The following RGN variants were observed in gnomAD, a reference collection of about 807,000 sequenced individuals.
The protein encoded by RGN is epididymis secretory protein Li 41.
In RGN, 19 loss-of-function variants were observed where a neutral mutation model predicts 20.6. The ratio of observed to expected loss-of-function variants is 0.92; its 90% confidence interval spans 0.64 to 1.35. RGN has a LOEUF of 1.35. Ranked by LOEUF, RGN falls within the 40% of genes most tolerant of loss-of-function variation. The pLI is 0.00. For synonymous variants in RGN, 85 were observed against 87.2 expected (o/e 0.97, Z 0.14); for missense variants, 302 against 232.7 (o/e 1.30, Z -1.94).
intron 4 of RGN, 142 bp from the exon 5 acceptor site, chrX:47,089,634 T>C (rs868929658): frequency 9.1e-4 from 209 of 230,151 alleles, no homozygotes; most frequent in African/African-American, 3.8e-3. Flanking sequence ...CACACACACA[T>C]ATATATATAT....
intron 4 of RGN, among the ~76,000 whole-genome samples, chrX:47,088,859 G>A (rs782389332): frequency 3.2e-4 from 33 of 104,155 alleles, no homozygotes; most frequent in Middle Eastern, 4.8e-3. Context: ...GCTTCAGTCC[G>A]GGAGGTTGAG....
At chrX:47,089,621 A>G in intron 4 of RGN, among the ~76,000 whole-genome samples, 155 bp from the exon 5 acceptor site, 1 of 86,519 alleles carries the variant, frequency 1.2e-5, no homozygotes, top group South Asian at 5.6e-4. Flanking sequence ...ACACACACAC[A>G]CACACACACA....
intron 3 of RGN, 151 bp from the exon 4 acceptor site, chrX:47,084,267 A>G (rs1930481284): frequency 2.4e-6 from 1 of 423,013 alleles, no homozygotes; most frequent in East Asian, 4.0e-5. Flanking sequence ...ACTAGGTTAC[A>G]TAGCCTTCCC....
chrX:47,082,362 G>A (rs1312564739), intron 3 of RGN, among the ~76,000 whole-genome samples: 8 of 100,270 alleles, frequency 8.0e-5, no homozygotes, highest in Non-Finnish European at 1.6e-4. Context: ...CCAGGCTGGA[G>A]TGCAATAATG....
chrX:47,086,172 T>C (rs782679748), intron 4 of RGN, among the ~76,000 whole-genome samples: 2 of 111,451 alleles, frequency 1.8e-5, no homozygotes, highest in Non-Finnish European at 3.8e-5. Context: ...CCTTTTTTAA[T>C]AGGGCATTCC....
At chrX:47,079,070 C>T (rs980738131) in intron 1 of RGN, among the ~76,000 whole-genome samples, 4 of 107,522 alleles carry the variant, frequency 3.7e-5, no homozygotes, top group African/African-American at 1.4e-4. Context: ...AGCGATTCTC[C>T]GGCCTCAGCC....
At chrX:47,082,857 A>G (rs1233580775) in intron 3 of RGN, among the ~76,000 whole-genome samples, 1 of 105,393 alleles carries the variant, frequency 9.5e-6, no homozygotes, top group Non-Finnish European at 1.9e-5. Context: ...CTACCAAGAG[A>G]AGTCTCAGGC....
intron 5 of RGN, among the ~76,000 whole-genome samples, chrX:47,090,334 C>T (rs782802055): frequency 2.7e-5 from 3 of 111,304 alleles, no homozygotes; most frequent in African/African-American, 9.8e-5. Flanking sequence ...CCTATTCTAC[C>T]AGGAGGTGCC....
chrX:47,082,661 C>T (rs531686236), intron 3 of RGN, among the ~76,000 whole-genome samples: 162 of 110,937 alleles, frequency 1.5e-3, no homozygotes, highest in South Asian at 2.7e-3. Flanking sequence ...TTAATTCACC[C>T]AGAAGTATGA....
chrX:47,079,746 A>G (rs2147004919), intron 1 of RGN, among the ~76,000 whole-genome samples: 1 of 111,007 alleles, frequency 9.0e-6, no homozygotes, highest in Admixed American at 9.6e-5. Flanking sequence ...TTCTTTTTTA[A>G]AATGTAGTTT....
rs373172217 is a variant in RGN, at chrX:47,084,435, G to A, written c.181G>A (p.Val61Met). The A allele has an allele frequency of 1.7e-5, 21 of 1,201,331 alleles. No homozygotes were observed. Among genetic ancestry groups the A allele is most frequent in the Middle Eastern group, 2.3e-4 (1 of 4,347 alleles). ...CTCTACAGATGCCCCAGTCAGCTCCGTGGCTCTTCGCCAGTCGGGAGGCTA... is the reference window on the plus strand; with the variant it reads ...CTCTACAGATGCCCCAGTCAGCTCCATGGCTCTTCGCCAGTCGGGAGGCTA... The part of the protein sequence containing the change: ...RVTMDAPVSS[V>M]ALRQSGGYVA... Residue 61 changes from valine to methionine, a missense_variant, in exon 4 of 8, where the codon GTG (valine) becomes ATG (methionine). Val to Met is a conservative substitution (Grantham distance 21). Transcript: ENST00000397180.
rs200690259 is a variant in RGN, at chrX:47,083,924, AC to A, written c.164-493del. ...CAAAACTCTGTCTCAAACAAAACAA[AC>A]AAAAAAAAAAATGCAAATCCTGGAT... On this transcript the variant is annotated intron_variant, in intron 3 of 7. Coordinates refer to ENST00000397180, the MANE Select transcript of RGN (RefSeq NM_152869.4). 5.3e-3 allele frequency among the ~76,000 whole-genome samples: 502 copies of A among 94,213 alleles called. 7 individuals carry two copies. Among genetic ancestry groups the A allele is most frequent in the African/African-American group, 0.012 (234 of 19,283 alleles). The allele number at this position is 94,213 out of a possible 115,157, so 81.8% of individuals were successfully genotyped here. A position where few individuals can be genotyped will look rare whatever the true frequency, so the allele number is the denominator to read the frequency against.
chrX:47,091,264 T>G (rs1556387725), intron 5 of RGN, among the ~76,000 whole-genome samples: 1 of 111,420 alleles, frequency 9.0e-6, no homozygotes, highest in Non-Finnish European at 1.9e-5. Context: ...ATCTTGCTAG[T>G]TTTTGTGCAT....
chrX:47,090,908 AGAAGAAG>A (rs1160139876), intron 5 of RGN, among the ~76,000 whole-genome samples: 12 of 37,115 alleles, frequency 3.2e-4, no homozygotes, highest in African/African-American at 8.8e-4. Context: ...AAAGAAAGAA[AGAAGAAG>A]GAAAGAAAGA....
Position 47,092,997 on chromosome X carries a change from T to C in RGN, c.*50T>C. 1.0e-6 allele frequency: 1 copy of C among 990,488 alleles called. No homozygotes were observed. The highest frequency in any genetic ancestry group is 1.4e-6 in the Non-Finnish European group (1 of 711,794). The allele number at this position is 990,488 out of a possible 1,213,427, so 81.6% of individuals were successfully genotyped here. ...GGGAGCTCTGAAGACAACTAGAGAA[T>C]TCTGGGCCTGAAATTTCAATCTAGT... On this transcript the variant is annotated 3_prime_UTR_variant, in exon 8 of 8. Coordinates refer to ENST00000397180, the MANE Select transcript of RGN (RefSeq NM_152869.4).
At chrX:47,087,855 A>G (rs1172729862) in intron 4 of RGN, among the ~76,000 whole-genome samples, 1 of 102,155 alleles carries the variant, frequency 9.8e-6, no homozygotes, top group East Asian at 2.9e-4. Flanking sequence ...ATTTTAAATT[A>G]TATATTATAA....
In RGN at chrX:47,082,783, G is replaced by A. The variant is rs372187464; in HGVS notation, c.163+1476G>A. Among the ~76,000 whole-genome samples, 74 of 86,956 alleles carry A rather than the reference G, an allele frequency of 8.5e-4. 1 individual carries two copies. The East Asian group carries it at 0.016, about 18-fold the overall frequency. 75.5% of individuals were successfully genotyped at this position (86,956 alleles called of 115,157 possible). A position where few individuals can be genotyped will look rare whatever the true frequency, so the allele number is the denominator to read the frequency against. ...TGCCAACCTGTGATCTGAAAAGCCC[G>A]CCCCCACCACCACCCGCCCCCAACC... is the stretch of plus-strand genomic sequence containing the variant. On this transcript the variant is annotated intron_variant, in intron 3 of 7. Transcript: ENST00000397180.
chrX:47,083,484 T>C (rs1405739228), intron 3 of RGN, among the ~76,000 whole-genome samples: 10 of 112,124 alleles, frequency 8.9e-5, no homozygotes, highest in African/African-American at 2.9e-4. Context: ...AGTAATATAA[T>C]GAAGAGATGT....
Position 47,090,010 on chromosome X carries a change from T to C in RGN, c.562+19T>C. On this transcript the variant is annotated intron_variant, in intron 5 of 7. Coordinates refer to ENST00000397180, the MANE Select transcript of RGN (RefSeq NM_152869.4). ...CAGATCTGTATGTATTTTTCATTAT[T>C]TGTCTCAGTGCTGCCACTATTGTTT... 1.8e-6 allele frequency: 2 copies of C among 1,093,956 alleles called. No individual in the cohort carries two copies. Among genetic ancestry groups the C allele is most frequent in the Non-Finnish European group, 2.5e-6 (2 of 799,189 alleles). The allele number at this position is 1,093,956 out of a possible 1,213,427, so 90.2% of individuals were successfully genotyped here.
Sources: gnomAD v4.1 joint callset for allele counts (sites outside exome capture counted in the v4.1 genomes callset) on GRCh38, gnomAD v4.1.1 for gene constraint, MANE v1.5 for transcripts, NCBI Gene and HGNC (gene_info 2026-07-23, HGNC 2026-07-21) for gene names.